Variants in NXPH1 observed in about 807,000 individuals in gnomAD.
NXPH1 encodes neurexophilin 1.
A neutral mutation model predicts 23.7 loss-of-function variants in NXPH1; 5 were observed. The ratio of observed to expected loss-of-function variants is 0.21; its 90% CI spans 0.11 to 0.44. The LOEUF (loss-of-function observed/expected upper bound fraction) is 0.44. Ranked by LOEUF, NXPH1 falls within the 20% of genes least tolerant of loss-of-function variation. The pLI is 0.99. For missense variants in NXPH1, 324 were observed against 321.6 expected, an observed-to-expected ratio of 1.01 and a Z score of -0.06; for synonymous variants, 144 against 122.2, an observed-to-expected ratio of 1.18 and a Z score of -1.18.
chr7:8,588,776 T>C (rs1819031919), intron 2 of NXPH1, among the ~76,000 whole-genome samples: 1 of 152,080 alleles, frequency 6.6e-6, no homozygotes, highest in Non-Finnish European at 1.5e-5. Context: ...CTCTAATTGG[T>C]GCCAGATATA....
intron 2 of NXPH1, among the ~76,000 whole-genome samples, chr7:8,561,200 T>C (rs761600659): frequency 9.2e-5 from 14 of 151,544 alleles, no homozygotes; most frequent in Non-Finnish European, 1.6e-4. Flanking sequence ...GTTTCGAAGC[T>C]CTGAAAGAGA....
At chr7:8,562,916 A>G (rs1818472956) in intron 2 of NXPH1, among the ~76,000 whole-genome samples, 1 of 131,660 alleles carries the variant, frequency 7.6e-6, no homozygotes, top group Non-Finnish European at 1.7e-5. Context: ...GACATGTATT[A>G]TCTCTATAAG....
chr7:8,740,075 G>A (rs1018301887), intron 2 of NXPH1, among the ~76,000 whole-genome samples: 11 of 152,184 alleles, frequency 7.2e-5, no homozygotes, highest in Admixed American at 1.3e-4. Context: ...TATTTGAGCT[G>A]ATGTAATGTT....
chr7:8,444,183 C>T (rs1816356901), intron 2 of NXPH1, among the ~76,000 whole-genome samples: 1 of 152,220 alleles, frequency 6.6e-6, no homozygotes, highest in Non-Finnish European at 1.5e-5. Context: ...CCCGATTCTG[C>T]AAATTCTCGC....
At chr7:8,541,246 A>C (rs1818112385) in intron 2 of NXPH1, among the ~76,000 whole-genome samples, 2 of 151,734 alleles carry the variant, frequency 1.3e-5, no homozygotes, top group South Asian at 2.1e-4. Context: ...TAAACTCTGG[A>C]AAAGATGAAT....
At chr7:8,439,533 C>A (rs1055454113) in intron 2 of NXPH1, among the ~76,000 whole-genome samples, 1 of 152,228 alleles carries the variant, frequency 6.6e-6, no homozygotes, top group African/African-American at 2.4e-5. Context: ...CAGCTCTATT[C>A]TAATGAGAAG....
intron 2 of NXPH1, among the ~76,000 whole-genome samples, chr7:8,587,159 A>C (rs1430759744): frequency 6.6e-6 from 1 of 152,096 alleles, no homozygotes; most frequent in South Asian, 2.1e-4. Context: ...CATGTTTCTC[A>C]TAACCTTAAT....
chr7:8,461,569 G>T (rs746076444), intron 2 of NXPH1, among the ~76,000 whole-genome samples: 26 of 151,932 alleles, frequency 1.7e-4, no homozygotes, highest in Non-Finnish European at 3.4e-4. Flanking sequence ...GGTGGCTCAC[G>T]CCTGTAATCC....
At chr7:8,622,471 T>G (rs1256183229) in intron 2 of NXPH1, among the ~76,000 whole-genome samples, 1 of 152,172 alleles carries the variant, frequency 6.6e-6, no homozygotes, top group Non-Finnish European at 1.5e-5. Flanking sequence ...ACTTGGCATT[T>G]TATATGTATT....
intron 2 of NXPH1, among the ~76,000 whole-genome samples, chr7:8,709,565 C>G (rs550354743): frequency 6.6e-6 from 1 of 152,170 alleles, no homozygotes; most frequent in East Asian, 1.9e-4. Flanking sequence ...TAATTATACT[C>G]AGCACACTAT....
chr7:8,554,233 C>T (rs1323745558), intron 2 of NXPH1, among the ~76,000 whole-genome samples: 6 of 151,584 alleles, frequency 4.0e-5, no homozygotes, highest in African/African-American at 1.2e-4. Context: ...AACCTTCAGG[C>T]ATTTAGGATG....
intron 2 of NXPH1, among the ~76,000 whole-genome samples, chr7:8,613,029 C>A (rs1295793111): frequency 6.6e-6 from 1 of 151,954 alleles, no homozygotes; most frequent in African/African-American, 2.4e-5. Flanking sequence ...CAGTGTGTTG[C>A]CAAACTATAG....
At chr7:8,750,547 A>G (rs1484843776) in intron 2 of NXPH1, among the ~76,000 whole-genome samples, 1 of 152,214 alleles carries the variant, frequency 6.6e-6, no homozygotes, top group Non-Finnish European at 1.5e-5. Context: ...AAATAGAAAA[A>G]GAACATAATG....
At chr7:8,603,500 C>T (rs1352562595) in intron 2 of NXPH1, among the ~76,000 whole-genome samples, 1 of 152,128 alleles carries the variant, frequency 6.6e-6, no homozygotes, top group Non-Finnish European at 1.5e-5. Flanking sequence ...GTAGAGGATT[C>T]CACCCATTTG....
intron 2 of NXPH1, among the ~76,000 whole-genome samples, chr7:8,686,086 G>A (rs1821142300): frequency 2.0e-5 from 3 of 152,016 alleles, no homozygotes; most frequent in African/African-American, 4.8e-5. Context: ...AATGAAAAAT[G>A]TATTCTTTAT....
At chr7:8,665,278 G>A (rs1247058998) in intron 2 of NXPH1, among the ~76,000 whole-genome samples, 1 of 152,050 alleles carries the variant, frequency 6.6e-6, no homozygotes, top group African/African-American at 2.4e-5. Flanking sequence ...TGAAAGGGCT[G>A]TCCTTTCCCC....
chr7:8,537,166 G>A (rs1009423205), intron 2 of NXPH1, among the ~76,000 whole-genome samples: 4 of 151,834 alleles, frequency 2.6e-5, no homozygotes, highest in East Asian at 1.9e-4. Context: ...TTACCTGGAC[G>A]GATGAACGGA....
intron 2 of NXPH1, among the ~76,000 whole-genome samples, chr7:8,717,894 G>GTGTATATATATA (rs71545892): frequency 1.3e-3 from 185 of 147,172 alleles, no homozygotes; most frequent in African/African-American, 4.0e-3. Flanking sequence ...CTCTCTGTGT[G>GTGTATATATATA]TATATATATA....
At chr7:8,651,500 C>G (rs4391335) in intron 2 of NXPH1, among the ~76,000 whole-genome samples, 105,060 of 149,330 alleles carry the variant, frequency 0.7, 37,710 homozygotes, top group East Asian at 1. Flanking sequence ...AATGGGATGG[C>G]TGGGTCAAAT....
Sources: gnomAD v4.1 joint callset for allele counts (sites outside exome capture counted in the v4.1 genomes callset) on GRCh38, gnomAD v4.1.1 for gene constraint, MANE v1.5 for transcripts, NCBI Gene and HGNC (gene_info 2026-07-23, HGNC 2026-07-21) for gene names.